REST: variants seen among roughly 807,000 people sequenced by gnomAD.
REST encodes RE1 silencing transcription factor, also known as RE1-silencing transcription factor.
A neutral mutation model predicts 30.4 loss-of-function variants in REST; 1 was observed. That is an observed-to-expected ratio of 0.03 (90% CI 0.01 to 0.16). The LOEUF (loss-of-function observed/expected upper bound fraction) is 0.16, where lower values mean the gene tolerates loss of function less well. Ranked by LOEUF, REST falls within the 10% of genes least tolerant of loss-of-function variation. The pLI, the probability that REST is intolerant of heterozygous loss-of-function variation, is 1.00. For missense variants in REST, 1,259 were observed against 1,329.5 expected (o/e 0.95, Z 0.82); for synonymous variants, 504 against 451.1 (o/e 1.12, Z -1.49).
chr4:56,911,065 G>A lies in REST; in HGVS notation c.427G>A (p.Glu143Lys), dbSNP rs1428820816. ...IYSSNKDLPP[E>K]TPGAEDKGKS... Reference sequence around the variant, plus strand: ...CAGTTCAAATAAAGATCTTCCCCCTGAAACACCTGGAGCGGAGGACAAAGG... The same window carrying A: ...CAGTTCAAATAAAGATCTTCCCCCTAAAACACCTGGAGCGGAGGACAAAGG... Residue 143 changes from glutamate (E) to lysine (K), a missense_variant, in exon 2 of 4, where the codon GAA (glutamate) becomes AAA (lysine). Physicochemically the swap from Glu to Lys is moderately conservative, Grantham distance 56 (BLOSUM62 1). Coordinates refer to ENST00000309042, the MANE Select transcript of REST (RefSeq NM_005612.5). The A allele has an allele frequency of 6.2e-7, 1 of 1,614,100 alleles. No homozygotes were observed.
rs1719696171 is a variant in REST at position 56,907,950 on chromosome 4, G to C, written c.-273G>C. Reference sequence around the variant, plus strand: ...GAATGTGCGGCTGCCGCGAGCTCGCGGCGCAGCAGCGGAGCGAGCGCCGCC... The same window carrying C: ...GAATGTGCGGCTGCCGCGAGCTCGCCGCGCAGCAGCGGAGCGAGCGCCGCC... On this transcript the variant is annotated 5_prime_UTR_variant, in exon 1 of 4. Transcript: ENST00000309042. The C allele has an allele frequency of 3.0e-6, 1 of 330,744 alleles. No homozygotes were observed. The highest frequency in any genetic ancestry group is 5.5e-6 in the Non-Finnish European group (1 of 182,866). 20.5% of individuals were successfully genotyped at this position (330,744 alleles called of 1,614,324 possible).
In REST at chr4:56,933,909, A is replaced by G. The variant is rs1721058793; in HGVS notation, c.*1757A>G. Reference sequence around the variant, plus strand: ...GGCAGGTTTCAGATTTGGCAGTACAACATGAAAGATTAGGAAAAGCATTAA... The same window carrying G: ...GGCAGGTTTCAGATTTGGCAGTACAGCATGAAAGATTAGGAAAAGCATTAA... On this transcript the variant is annotated 3_prime_UTR_variant, in exon 4 of 4. Transcript: ENST00000309042. 6.6e-6 allele frequency: 1 copy of G among 152,240 alleles called. No individual in the cohort carries two copies. Among genetic ancestry groups the G allele is most frequent in the South Asian group, 2.1e-4 (1 of 4,834 alleles). The allele number at this position is 152,240 out of a possible 1,614,324, so 9.4% of individuals were successfully genotyped here. A position where few individuals can be genotyped will look rare whatever the true frequency, so the allele number is the denominator to read the frequency against.
chr4:56,924,464 T>G (rs1395821794), intron 3 of REST, among the ~76,000 whole-genome samples: 1 of 152,068 alleles, frequency 6.6e-6, no homozygotes, highest in African/African-American at 2.4e-5. Flanking sequence ...CAAAGAACAT[T>G]ATAGAATTTG....
chr4:56,932,207 A>G lies in REST; in HGVS notation c.*55A>G. ...GTTTGTAAGGTATATTACATTTTAT[A>G]TTCATTTATGATAGCAGACAACCTT... On this transcript the variant is annotated 3_prime_UTR_variant, in exon 4 of 4. Coordinates refer to ENST00000309042, the MANE Select transcript of REST (RefSeq NM_005612.5). 2 of 1,507,600 alleles carry G rather than the reference A, an allele frequency of 1.3e-6. No individual in the cohort carries two copies. Among genetic ancestry groups the G allele is most frequent in the Non-Finnish European group, 1.8e-6 (2 of 1,123,968 alleles). 93.4% of individuals were successfully genotyped at this position (1,507,600 alleles called of 1,614,324 possible).
At chr4:56,911,573 T>C (rs1444629690) in intron 2 of REST, 37 bp downstream of exon 2, 2 of 1,533,014 alleles carry the variant, frequency 1.3e-6, no homozygotes, top group Non-Finnish European at 1.8e-6. Flanking sequence ...TTCAGTTCTC[T>C]TTTCTGATTG....
At chr4:56,916,612 G>A (rs1720209256) in intron 2 of REST, among the ~76,000 whole-genome samples, 1 of 152,138 alleles carries the variant, frequency 6.6e-6, no homozygotes, top group Non-Finnish European at 1.5e-5. Context: ...ACTCCAGCCT[G>A]GGCGACAGAG....
At chr4:56,918,321 G>T (rs1344269628) in intron 2 of REST, among the ~76,000 whole-genome samples, 1 of 145,412 alleles carries the variant, frequency 6.9e-6, no homozygotes, top group Non-Finnish European at 1.5e-5. Context: ...GCAAAACCTG[G>T]TCTCTACCCA....
intron 3 of REST, among the ~76,000 whole-genome samples, chr4:56,927,097 A>C (rs893639055): frequency 1.3e-4 from 15 of 114,714 alleles, no homozygotes; most frequent in African/African-American, 5.1e-4. Context: ...ACTCCATCTC[A>C]AGAAAAAAAA....
At chr4:56,912,562 T>A (rs994332458) in intron 2 of REST, among the ~76,000 whole-genome samples, 3 of 151,910 alleles carry the variant, frequency 2.0e-5, no homozygotes, top group Admixed American at 2.0e-4. Flanking sequence ...TTGTCGAGGC[T>A]GGAGTGCAGT....
intron 3 of REST, among the ~76,000 whole-genome samples, chr4:56,921,379 A>G (rs1354427267): frequency 6.6e-6 from 1 of 152,174 alleles, no homozygotes; most frequent in East Asian, 1.9e-4. Flanking sequence ...TAAAATATGT[A>G]CTTACCAGAT....
At position 56,930,447 on chromosome 4, in the gene REST, T is replaced by C; in HGVS notation, c.1589T>C (p.Leu530Ser). The change falls in exon 4 of 4, where the codon TTA (leucine) becomes TCA (serine). Residue 530 changes from leucine (L) to serine (S), a missense_variant. Physicochemically the swap from Leu to Ser is moderately radical, Grantham distance 145 (BLOSUM62 -2). Coordinates refer to ENST00000309042, the MANE Select transcript of REST (RefSeq NM_005612.5). ...AAGCTGGAAGTTGACAGCCATTCTT[T>C]ACATGGTCCTGTGAATGATGAGGAA... ...KRKLEVDSHS[L>S]HGPVNDEESS... 1.2e-6 allele frequency: 2 copies of C among 1,613,868 alleles called. No homozygotes were observed. Among genetic ancestry groups the C allele is most frequent in the Non-Finnish European group, 1.7e-6 (2 of 1,180,000 alleles).
In REST at chr4:56,929,949, C is replaced by T; in HGVS notation, c.1091C>T (p.Pro364Leu). The change falls in exon 4 of 4, where the codon CCA becomes CTA. Residue 364 changes from proline (P) to leucine (L), a missense_variant. Pro to Leu is a moderately conservative substitution (Grantham distance 98). Transcript: ENST00000309042. ...VHNGPKPLNC[P>L]HCDYKTADRS... ...AATGGGCCTAAACCTCTTAATTGCC[C>T]ACACTGTGATTACAAAACAGCAGAT... 6.2e-7 allele frequency: 1 copy of T among 1,614,080 alleles called. No homozygotes were observed. The highest frequency in any genetic ancestry group is 1.3e-5 in the African/African-American group (1 of 74,992).
At chr4:56,920,582 G>C (rs1720402440) in intron 3 of REST, among the ~76,000 whole-genome samples, 1 of 151,862 alleles carries the variant, frequency 6.6e-6, no homozygotes, top group South Asian at 2.1e-4. Context: ...GACCAACATG[G>C]AGAAATCCTG....
chr4:56,909,508 C>T (rs983793865), intron 1 of REST: 4 of 152,208 alleles, frequency 2.6e-5, no homozygotes, highest in African/African-American at 9.6e-5. Context: ...GCCAAATTAC[C>T]CAATAGCTTG....
chr4:56,917,351 G>GTCTC (rs1720248292), intron 2 of REST, among the ~76,000 whole-genome samples: 1 of 152,152 alleles, frequency 6.6e-6, no homozygotes, highest in Admixed American at 6.5e-5. Flanking sequence ...TTAAGACAGG[G>GTCTC]TCTCGCTCTG....
chr4:56,928,405 C>A (rs937158045), intron 3 of REST, among the ~76,000 whole-genome samples: 7 of 151,994 alleles, frequency 4.6e-5, no homozygotes, highest in African/African-American at 1.7e-4. Context: ...CCACACCTGG[C>A]TGGGAATTTT....
chr4:56,912,986 G>T, intron 2 of REST, among the ~76,000 whole-genome samples: 1 of 145,202 alleles, frequency 6.9e-6, no homozygotes. Flanking sequence ...TGTGGAGATG[G>T]GGGGTCTCAC....
chr4:56,917,028 ATCTG>A (rs35381802), intron 2 of REST, among the ~76,000 whole-genome samples: 54,481 of 151,864 alleles, frequency 0.36, 9,996 homozygotes, highest in Middle Eastern at 0.48. Flanking sequence ...TACTGTTAAC[ATCTG>A]TCTTTGTGAT....
In REST at chr4:56,908,082, T is replaced by C; in HGVS notation, c.-141T>C. 3.0e-6 allele frequency: 1 copy of C among 338,266 alleles called. No individual in the cohort carries two copies. The highest frequency in any genetic ancestry group is 5.4e-6 in the Non-Finnish European group (1 of 186,370). 21.0% of individuals were successfully genotyped at this position (338,266 alleles called of 1,614,324 possible). ...CAGCCCCACTCCTGGGCCTTCTTGG[T>C]CCACGACGGCCCCAGCACCCAACTT... is the stretch of plus-strand genomic sequence containing the variant. On this transcript the variant is annotated 5_prime_UTR_variant, in exon 1 of 4. Transcript: ENST00000309042.
Sources: allele counts gnomAD v4.1 joint callset (sites outside exome capture counted in the v4.1 genomes callset), GRCh38; gene constraint gnomAD v4.1.1; transcripts MANE v1.5; gene names NCBI Gene and HGNC (gene_info 2026-07-23, HGNC 2026-07-21).